LDLRAP1: variants seen among roughly 807,000 people sequenced by gnomAD.
The protein encoded by LDLRAP1 is low density lipoprotein receptor adapter protein 1.
LDLRAP1 carries 30 observed loss-of-function variants against 37.8 expected under a neutral mutation model. The observed-to-expected ratio is 0.79, with a 90% CI of 0.59 to 1.08. The LOEUF is 1.08. Among genes scored for constraint, LDLRAP1 ranks in the 50% least tolerant of loss-of-function variants. LDLRAP1 has a pLI of 0.00. For missense variants in LDLRAP1, 375 were observed against 401.6 expected (o/e 0.93, Z 0.57); for synonymous variants, 156 against 169.8 (o/e 0.92, Z 0.63).
chr1:25,580,631 C>T, the LDLRAP1 span, among the ~76,000 whole-genome samples: 144 of 152,280 alleles, frequency 9.5e-4, no homozygotes, highest in Non-Finnish European at 1.3e-3. Flanking sequence ...TCCTCAGCCC[C>T]CCAAGTAGCT....
chr1:25,572,683 A>T (rs140640399), downstream of LDLRAP1, among the ~76,000 whole-genome samples: 1 of 152,306 alleles, frequency 6.6e-6, no homozygotes, highest in African/African-American at 2.4e-5. Context: ...CTCCATGCCC[A>T]GTCCTCCATC....
rs144789866 is a variant in LDLRAP1, at chr1:25,548,335, C to CTT, written c.88+4578_88+4579dup. ...CAAGACAACCCCATGGATGGATACT[C>CTT]TTTTTTTTTTTTTTTTTTTTTTTTT... On this transcript the variant is annotated intron_variant, in intron 1 of 8. Transcript: ENST00000374338. Among the ~76,000 whole-genome samples, 111 of 82,312 alleles carry CTT rather than the reference C, an allele frequency of 1.3e-3. 3 individuals are homozygous for CTT. Among genetic ancestry groups the CTT allele is most frequent in the East Asian group, 2.7e-3 (8 of 2,934 alleles). 54.0% of individuals were successfully genotyped at this position (82,312 alleles called of 152,430 possible).
rs768454420 is a variant in LDLRAP1, at chr1:25,566,861, C to T, written c.796C>T (p.Arg266Trp). 10 of 1,610,856 alleles carry T rather than the reference C, an allele frequency of 6.2e-6. No homozygotes were observed. The highest frequency in any genetic ancestry group is 5.0e-5 in the Admixed American group (3 of 59,726). ...DEAFSRLAQSRTNPQVLDTGL... is the reference protein window; with the variant it reads ...DEAFSRLAQSWTNPQVLDTGL... ...TCTGCCTTCCAGGCTTGCCCAGTCT[C>T]GGACAAACCCTCAGGTCCTGGACAC... The change falls in exon 9 of 9, where the codon CGG becomes TGG. Residue 266 changes from arginine (R) to tryptophan (W), a missense_variant. Arg to Trp is a moderately radical substitution (Grantham distance 101, BLOSUM62 -3). Coordinates refer to ENST00000374338, the MANE Select transcript of LDLRAP1 (RefSeq NM_015627.3).
At chr1:25,570,589 G>A (rs1056479649), downstream of LDLRAP1, among the ~76,000 whole-genome samples, 3 of 152,178 alleles carry the variant, frequency 2.0e-5, no homozygotes, top group African/African-American at 7.2e-5. Context: ...GCCGGGCGCA[G>A]TGGCTCACAC....
downstream of LDLRAP1, among the ~76,000 whole-genome samples, chr1:25,570,611 G>A (rs1322944469): frequency 3.9e-5 from 6 of 152,136 alleles, no homozygotes; most frequent in Non-Finnish European, 5.9e-5. Context: ...TGTAATCCCA[G>A]CACTTTGGGA....
Position 25,563,810 on chromosome 1 carries a change from A to AG in LDLRAP1, c.747+20dup. 6.2e-7 allele frequency: 1 copy of AG among 1,613,352 alleles called. No homozygotes were observed. Among genetic ancestry groups the AG allele is most frequent in the Non-Finnish European group, 8.5e-7 (1 of 1,179,996 alleles). ...TGTCTGGGTGAGTGGTTGTGTGGCC[A>AG]GCAGATCGGTGATCCTCAGCCTGAC... On this transcript the variant is annotated intron_variant, in intron 7 of 8. Coordinates refer to ENST00000374338, the MANE Select transcript of LDLRAP1 (RefSeq NM_015627.3).
At chr1:25,576,518 C>T in the LDLRAP1 span, among the ~76,000 whole-genome samples, 2 of 152,154 alleles carry the variant, frequency 1.3e-5, no homozygotes, top group South Asian at 2.1e-4. Flanking sequence ...AAGAGTGAAA[C>T]TCCATCTCAA....
intron 1 of LDLRAP1, among the ~76,000 whole-genome samples, chr1:25,545,490 T>G (rs1198722740): frequency 6.6e-6 from 1 of 152,196 alleles, no homozygotes; most frequent in Admixed American, 6.5e-5. Context: ...TAATGCTCCC[T>G]CCTAACTGGT....
Position 25,557,184 on chromosome 1 carries a change from G to C in LDLRAP1, c.376G>C (p.Asp126His). The change falls in exon 4 of 9, where the codon GAC becomes CAC. Residue 126 changes from aspartate (D) to histidine (H), a missense_variant. Transcript: ENST00000374338. ...ISYCTADKMH[D>H]KVFAYIAQSQ... ...CTATTGCACAGCAGACAAGATGCAC[G>C]ACAAGGTGTTTGCATACATCGCCCA... is the stretch of plus-strand genomic sequence containing the variant. The C allele has an allele frequency of 6.2e-7, 1 of 1,614,166 alleles. No individual in the cohort carries two copies. Among genetic ancestry groups the C allele is most frequent in the East Asian group, 2.2e-5 (1 of 44,884 alleles).
At position 25,555,890 on chromosome 1, in the gene LDLRAP1, C is replaced by T. The variant is rs902770150; in HGVS notation, c.344+918C>T. On this transcript the variant is annotated intron_variant, in intron 3 of 8. Transcript: ENST00000374338. The surrounding 1 kb of genome is among the most constrained non-coding windows in gnomAD (Gnocchi z 4.7). ...AGCTTCCACTCTAGTTGGGTATAGT[C>T]GGGAGGAAACAGGAGATAGAGCATA... Among the ~76,000 whole-genome samples the T allele has an allele frequency of 2.0e-5, 3 of 152,070 alleles. No individual in the cohort carries two copies. Among genetic ancestry groups the T allele is most frequent in the Non-Finnish European group, 2.9e-5 (2 of 68,010 alleles).
At chr1:25,589,304 A>AAAAGAAAGAAAGAAAGAAAG in the LDLRAP1 span, among the ~76,000 whole-genome samples, 2,351 of 149,012 alleles carry the variant, frequency 0.016, 94 homozygotes, top group African/African-American at 0.052. Flanking sequence ...ACTCCATCTC[A>AAAAGAAAGAAAGAAAGAAAG]AAAGAAAGAA....
intron 1 of LDLRAP1, among the ~76,000 whole-genome samples, chr1:25,552,008 C>T (rs2044082503): frequency 6.6e-6 from 1 of 152,204 alleles, no homozygotes; most frequent in Admixed American, 6.5e-5. Context: ...CCCGCACCCT[C>T]TTTCAGATGA....
At chr1:25,546,322 G>A (rs1443520230) in intron 1 of LDLRAP1, among the ~76,000 whole-genome samples, 1 of 152,208 alleles carries the variant, frequency 6.6e-6, no homozygotes, top group Non-Finnish European at 1.5e-5. Flanking sequence ...TCCTCACTAG[G>A]ATTAGCATGA....
At chr1:25,547,231 C>G (rs891751470) in intron 1 of LDLRAP1, among the ~76,000 whole-genome samples, 9 of 151,960 alleles carry the variant, frequency 5.9e-5, no homozygotes, top group Non-Finnish European at 1.2e-4. Context: ...GCCTGTAATC[C>G]CAGCACTTTG....
chr1:25,578,128 A>G, the LDLRAP1 span, among the ~76,000 whole-genome samples: 2 of 148,814 alleles, frequency 1.3e-5, no homozygotes, highest in Non-Finnish European at 3.0e-5. Flanking sequence ...CTGGCTCTTC[A>G]GGGAACACTG....
chr1:25,565,030 C>A (rs2044439677), intron 7 of LDLRAP1, 143 bp from the exon 8 acceptor site: 2 of 837,668 alleles, frequency 2.4e-6, no homozygotes, highest in Non-Finnish European at 4.1e-6. Context: ...AGGCAGGAGG[C>A]CTGCCTGAGG....
chr1:25,567,171 C>G lies in LDLRAP1; in HGVS notation c.*179C>G, dbSNP rs1041023323. 2 of 718,232 alleles carry G rather than the reference C, an allele frequency of 2.8e-6. No individual in the cohort carries two copies. The highest frequency in any genetic ancestry group is 4.7e-6 in the Non-Finnish European group (2 of 423,876). The allele number at this position is 718,232 out of a possible 1,614,324, so 44.5% of individuals were successfully genotyped here. ...AGAGATTTTTCTTTTAAGCCCTGCT[C>G]TTTCTCTGAGAACCAAAAGATGCCT... On this transcript the variant is annotated 3_prime_UTR_variant, in exon 9 of 9. Coordinates refer to ENST00000374338, the MANE Select transcript of LDLRAP1 (RefSeq NM_015627.3).
intron 7 of LDLRAP1, chr1:25,564,820 T>C: frequency 3.6e-6 from 1 of 276,396 alleles, no homozygotes; most frequent in Non-Finnish European, 7.1e-6. Context: ...ATAGAAGTCA[T>C]CAGGTCCAAT....
rs11563 is a variant in LDLRAP1, at chr1:25,568,362, G to T, written c.*1370G>T. On this transcript the variant is annotated 3_prime_UTR_variant, in exon 9 of 9. Transcript: ENST00000374338. ...CCAGCAGCAATCTGTCTTTAGAATC[G>T]CTTTCCTTCCTCCCCTTTTGCCCCC... 80,370 of 152,208 alleles carry T rather than the reference G, an allele frequency of 0.53. 21,985 individuals carry two copies. The highest frequency in any genetic ancestry group is 0.68 in the African/African-American group (28,219 of 41,486). The allele number at this position is 152,208 out of a possible 1,614,324, so 9.4% of individuals were successfully genotyped here.
Sources: allele counts gnomAD v4.1 joint callset (sites outside exome capture counted in the v4.1 genomes callset), GRCh38; gene constraint gnomAD v4.1.1; non-coding constraint Gnocchi (gnomAD v3.1); transcripts MANE v1.5; gene names NCBI Gene and HGNC (gene_info 2026-07-23, HGNC 2026-07-21).